CNTNAP5: variants seen among roughly 807,000 people sequenced by gnomAD.
CNTNAP5 encodes contactin-associated protein-like 5.
In CNTNAP5, 72 loss-of-function variants were observed where a neutral mutation model predicts 150.2. The ratio of observed to expected loss-of-function variants is 0.48; its 90% CI spans 0.40 to 0.58. The LOEUF is 0.58. Among genes scored for constraint, CNTNAP5 ranks in the 20% least tolerant of loss-of-function variants. The pLI is 0.00. For synonymous variants in CNTNAP5, 672 were observed against 619.8 expected, an observed-to-expected ratio of 1.08 and a Z score of -1.25; for missense variants, 1,636 against 1,626.2, an observed-to-expected ratio of 1.01 and a Z score of -0.10.
chr2:124,262,144 C>T (rs750273179), intron 3 of CNTNAP5, among the ~76,000 whole-genome samples: 41 of 152,090 alleles, frequency 2.7e-4, no homozygotes, highest in African/African-American at 9.6e-4. Flanking sequence ...ACTCTGGAGG[C>T]TGAGGTGGGA....
chr2:124,842,786 A>C (rs1682970333), intron 19 of CNTNAP5, among the ~76,000 whole-genome samples: 1 of 152,148 alleles, frequency 6.6e-6, no homozygotes, highest in Non-Finnish European at 1.5e-5. Context: ...TTTGAATAAG[A>C]AATGAATCGA....
intron 17 of CNTNAP5, among the ~76,000 whole-genome samples, chr2:124,785,226 G>T (rs961721061): frequency 2.6e-5 from 4 of 152,102 alleles, no homozygotes; most frequent in African/African-American, 9.7e-5. Context: ...TGGCCAGGAA[G>T]GCAACATGAA....
At chr2:124,572,803 A>G (rs142665602) in intron 11 of CNTNAP5, among the ~76,000 whole-genome samples, 1 of 152,168 alleles carries the variant, frequency 6.6e-6, no homozygotes, top group Non-Finnish European at 1.5e-5. Flanking sequence ...GGCCACAAAG[A>G]CTTCTTACCA....
chr2:124,495,312 G>C (rs893974318), intron 7 of CNTNAP5, among the ~76,000 whole-genome samples: 3 of 152,150 alleles, frequency 2.0e-5, no homozygotes, highest in Non-Finnish European at 2.9e-5. Flanking sequence ...AGTGAAAGTA[G>C]AGTGTCAAAA....
intron 19 of CNTNAP5, among the ~76,000 whole-genome samples, chr2:124,826,038 G>T (rs1305038559): frequency 6.6e-6 from 1 of 151,984 alleles, no homozygotes; most frequent in East Asian, 1.9e-4. Flanking sequence ...AGTATGCTCT[G>T]TTTTTTATAT....
At chr2:124,445,038 A>G (rs1045338315) in intron 5 of CNTNAP5, among the ~76,000 whole-genome samples, 3 of 151,096 alleles carry the variant, frequency 2.0e-5, no homozygotes, top group South Asian at 4.2e-4. Flanking sequence ...TCCTTAATAC[A>G]TTACTTGTCA....
chr2:124,786,514 AGAAAGAAAGAGAAAGAAAG>A (rs1383859053), intron 17 of CNTNAP5, among the ~76,000 whole-genome samples: 1 of 150,036 alleles, frequency 6.7e-6, no homozygotes, highest in African/African-American at 2.5e-5. Flanking sequence ...AGAAAAAGAA[AGAAAGAAAGAGAAAGAAAG>A]GAAAGAAAGA....
intron 3 of CNTNAP5, among the ~76,000 whole-genome samples, chr2:124,370,867 G>A (rs1690507141): frequency 6.6e-6 from 1 of 152,246 alleles, no homozygotes; most frequent in Admixed American, 6.5e-5. Context: ...ACTTTTATGT[G>A]ACACAAGAGT....
At chr2:124,423,637 C>T (rs1217314692) in intron 4 of CNTNAP5, among the ~76,000 whole-genome samples, 2 of 142,774 alleles carry the variant, frequency 1.4e-5, no homozygotes, top group African/African-American at 5.2e-5. Context: ...TGAGCCACTG[C>T]GCCCGGCTAA....
intron 19 of CNTNAP5, among the ~76,000 whole-genome samples, chr2:124,861,201 G>T (rs1000506053): frequency 3.3e-5 from 5 of 151,998 alleles, no homozygotes; most frequent in Non-Finnish European, 5.9e-5. Context: ...CTTATCATGT[G>T]TTTAAGTACT....
chr2:124,402,986 G>C (rs1253887457), intron 3 of CNTNAP5, among the ~76,000 whole-genome samples: 1 of 152,198 alleles, frequency 6.6e-6, no homozygotes, highest in Non-Finnish European at 1.5e-5. Context: ...GAATGGGTTT[G>C]TCAATTTTAG....
At position 124,914,199 on chromosome 2, in the gene CNTNAP5, G is replaced by A. The variant is rs749753378; in HGVS notation, c.3835G>A (p.Glu1279Lys). ...TCGTACGAGCCAGATGAAGGAGAAG[G>A]AATATCCAGAAAATTTGGACAGTTC... ...SHRTSQMKEKEYPENLDSSFR... is the reference protein window; with the variant it reads ...SHRTSQMKEKKYPENLDSSFR... The change falls in exon 24 of 24, where the codon GAA becomes AAA. Residue 1279 changes from glutamate (E) to lysine (K), a missense_variant. Transcript: ENST00000682447. The A allele has an allele frequency of 1.9e-6, 3 of 1,612,598 alleles. No homozygotes were observed. Among genetic ancestry groups the A allele is most frequent in the Non-Finnish European group, 2.5e-6 (3 of 1,179,038 alleles).
chr2:124,082,348 CAAAAA>C (rs56285830), intron 1 of CNTNAP5, among the ~76,000 whole-genome samples: 8,325 of 73,052 alleles, frequency 0.11, 252 homozygotes, highest in East Asian at 0.15. Flanking sequence ...GACTCTCTCT[CAAAAA>C]AAAAAAAAAA....
At chr2:124,505,153 A>G (rs775592378) in intron 8 of CNTNAP5, among the ~76,000 whole-genome samples, 3 of 152,212 alleles carry the variant, frequency 2.0e-5, no homozygotes, top group Non-Finnish European at 4.4e-5. Context: ...AGTATTTAGC[A>G]TAATCTAGAC....
At chr2:124,746,312 T>TA (rs1205525106) in intron 13 of CNTNAP5, among the ~76,000 whole-genome samples, 2 of 151,966 alleles carry the variant, frequency 1.3e-5, no homozygotes, top group South Asian at 2.1e-4. Flanking sequence ...TTCTCAATCA[T>TA]AAAAAATCCA....
At position 124,915,611 on chromosome 2, in the gene CNTNAP5, C is replaced by T. The variant is rs188298982; in HGVS notation, c.*1323C>T. Among the ~76,000 whole-genome samples the T allele has an allele frequency of 2.1e-3, 322 of 152,096 alleles. No individual in the cohort carries two copies. The highest frequency in any genetic ancestry group is 7.4e-3 in the African/African-American group (309 of 41,508). On this transcript the variant is annotated 3_prime_UTR_variant, in exon 24 of 24. Coordinates refer to ENST00000682447, the MANE Select transcript of CNTNAP5 (RefSeq NM_001367498.1). The stretch of plus-strand genomic sequence containing the variant: ...ATACCACATTTTCAAATCTGCTATA[C>T]CCTATATACATAAAGACCCTTCCAA...
At chr2:124,208,504 GC>G (rs1265539982) in intron 1 of CNTNAP5, among the ~76,000 whole-genome samples, 1 of 152,156 alleles carries the variant, frequency 6.6e-6, no homozygotes, top group Non-Finnish European at 1.5e-5. Context: ...AAAACCAGAG[GC>G]CTGGGCTTGA....
chr2:124,214,387 C>T (rs574161702), intron 1 of CNTNAP5, among the ~76,000 whole-genome samples: 77 of 152,314 alleles, frequency 5.1e-4, no homozygotes, highest in South Asian at 4.1e-4. Context: ...GGTGTTCCCG[C>T]AGTCTGCTCT....
chr2:124,144,179 G>A (rs1362403114), intron 1 of CNTNAP5, among the ~76,000 whole-genome samples: 1 of 51,996 alleles, frequency 1.9e-5, no homozygotes, highest in African/African-American at 7.7e-5. Context: ...CATGCTCATG[G>A]GTAGGAAGAA....
Sources: gnomAD v4.1 joint callset for allele counts (sites outside exome capture counted in the v4.1 genomes callset) on GRCh38, gnomAD v4.1.1 for gene constraint, MANE v1.5 for transcripts, NCBI Gene and HGNC (gene_info 2026-07-23, HGNC 2026-07-21) for gene names.